The following MSTO1 variants were observed in gnomAD, a reference collection of about 807,000 sequenced individuals.
MSTO1 encodes protein misato homolog 1.
A neutral mutation model predicts 55.7 loss-of-function variants in MSTO1; 24 were observed. The ratio of observed to expected loss-of-function variants is 0.43; its 90% confidence interval spans 0.31 to 0.61. The LOEUF (loss-of-function observed/expected upper bound fraction) is 0.61. Among genes scored for constraint, MSTO1 ranks in the 20% least tolerant of loss-of-function variants. The pLI, the probability that MSTO1 is intolerant of heterozygous loss-of-function variation, is 0.09. For synonymous variants in MSTO1, 162 were observed against 252.8 expected (o/e 0.64, Z 3.41); for missense variants, 363 against 625.7 (o/e 0.58, Z 4.48).
chr1:155,579,939 G>A, the MSTO1 span, among the ~76,000 whole-genome samples: 38 of 152,050 alleles, frequency 2.5e-4, no homozygotes, highest in South Asian at 2.1e-3. Flanking sequence ...TTAGCCAGGC[G>A]TGGTGGTGTG....
chr1:155,594,308 C>T, the MSTO1 span, among the ~76,000 whole-genome samples: 8 of 151,000 alleles, frequency 5.3e-5, no homozygotes, highest in Admixed American at 4.0e-4. Flanking sequence ...GGTTGAGGCA[C>T]GAAAATCACT....
At chr1:155,607,150 G>A (rs1471870236), upstream of MSTO1, among the ~76,000 whole-genome samples, 1 of 151,346 alleles carries the variant, frequency 6.6e-6, no homozygotes, top group Non-Finnish European at 1.5e-5. Flanking sequence ...TATTTTAAAA[G>A]GATAATCAAC....
intron 12 of MSTO1, 42 bp downstream of exon 12, chr1:155,613,608 C>T: frequency 6.3e-7 from 1 of 1,585,174 alleles, no homozygotes; most frequent in South Asian, 1.1e-5. Flanking sequence ...CCAACCGCAA[C>T]CCTCCCTTGA....
At chr1:155,574,235 G>T in the MSTO1 span, among the ~76,000 whole-genome samples, 1 of 152,122 alleles carries the variant, frequency 6.6e-6, no homozygotes, top group South Asian at 2.1e-4. Context: ...GCATATGCCT[G>T]TAGTCCAAGC....
chr1:155,609,243 A>ATATATTTTTT (rs59756178), upstream of MSTO1, among the ~76,000 whole-genome samples: 45 of 54,568 alleles, frequency 8.2e-4, 1 homozygote, highest in East Asian at 1.9e-3. Flanking sequence ...ATATATATAT[A>ATATATTTTTT]TTTTTTTTTT....
chr1:155,605,501 T>C (rs1185103974), upstream of MSTO1, among the ~76,000 whole-genome samples: 1 of 152,142 alleles, frequency 6.6e-6, no homozygotes, highest in African/African-American at 2.4e-5. Context: ...GAATAATTCA[T>C]AGGTGAAAAC....
At chr1:155,601,800 G>A in the MSTO1 span, among the ~76,000 whole-genome samples, 1 of 151,920 alleles carries the variant, frequency 6.6e-6, no homozygotes, top group Non-Finnish European at 1.5e-5. Context: ...TGTCACCCAG[G>A]CTGGAGTGCA....
chr1:155,609,243 A>ATATATATATATATAT (rs59756178), upstream of MSTO1, among the ~76,000 whole-genome samples: 5 of 54,576 alleles, frequency 9.2e-5, no homozygotes, highest in Non-Finnish European at 1.2e-4. Context: ...ATATATATAT[A>ATATATATATATATAT]TTTTTTTTTT....
the MSTO1 span, among the ~76,000 whole-genome samples, chr1:155,581,154 C>T: frequency 5.3e-5 from 8 of 152,032 alleles, no homozygotes; most frequent in Admixed American, 1.3e-4. Flanking sequence ...TTTTAAGAGA[C>T]GCAGTCTTGC....
the MSTO1 span, among the ~76,000 whole-genome samples, chr1:155,564,420 G>A: frequency 1.3e-5 from 2 of 152,160 alleles, no homozygotes; most frequent in Admixed American, 1.3e-4. Flanking sequence ...CTTGAACCTG[G>A]GAGGCGGAGA....
upstream of MSTO1, among the ~76,000 whole-genome samples, chr1:155,609,241 A>ATTTTTTT (rs1481008523): frequency 8.3e-5 from 4 of 48,348 alleles, no homozygotes; most frequent in African/African-American, 2.3e-4. Flanking sequence ...ATATATATAT[A>ATTTTTTT]TATTTTTTTT....
rs1675260460 is a variant in MSTO1 at position 155,614,845 on chromosome 1, A to G, written c.*572A>G. The G allele has an allele frequency of 1.9e-6, 3 of 1,580,064 alleles. No individual in the cohort carries two copies. The highest frequency in any genetic ancestry group is 1.7e-6 in the Non-Finnish European group (2 of 1,162,506). ...TTCACAGGCAGTGTGGAAGAGCTGC[A>G]TGAGTTCTCGAAAATGGTGGGAAAC... On this transcript the variant is annotated 3_prime_UTR_variant, in exon 14 of 14. Transcript: ENST00000245564.
chr1:155,612,453 A>T lies in MSTO1; in HGVS notation c.849A>T (p.Thr283=). ...AQRNIYRLLN[T]AFGLVHLTAH... ...GAAACATCTATCGTCTATTAAACAC[A>T]GCTTTTGGTCTCGTGCACCTGACTG... Residue 283 remains threonine (T), a synonymous_variant, in exon 9 of 14, where the codon ACA becomes ACT. Coordinates refer to ENST00000245564, the MANE Select transcript of MSTO1 (RefSeq NM_018116.4). 6.2e-7 allele frequency: 1 copy of T among 1,614,060 alleles called. No homozygotes were observed. Among genetic ancestry groups the T allele is most frequent in the Non-Finnish European group, 8.5e-7 (1 of 1,179,996 alleles).
the MSTO1 span, among the ~76,000 whole-genome samples, chr1:155,601,545 G>A: frequency 6.6e-6 from 1 of 152,054 alleles, no homozygotes; most frequent in African/African-American, 2.4e-5. Flanking sequence ...AGGATCGCCT[G>A]AGCCTAGAAG....
chr1:155,563,631 A>C, the MSTO1 span: 1 of 455,428 alleles, frequency 2.2e-6, no homozygotes, highest in Non-Finnish European at 4.4e-6. Context: ...CAGCCTGGTG[A>C]TGGAGGATGA....
At chr1:155,590,757 C>T in the MSTO1 span, 44 of 1,603,268 alleles carry the variant, frequency 2.7e-5, no homozygotes, top group South Asian at 6.7e-5. Context: ...GGCCTGAGGC[C>T]GCCCAGCCCA....
the MSTO1 span, among the ~76,000 whole-genome samples, chr1:155,602,837 T>C: frequency 6.6e-6 from 1 of 152,004 alleles, no homozygotes; most frequent in African/African-American, 2.4e-5. Context: ...TCCAACTACA[T>C]GATTTTCTCC....
the MSTO1 span, among the ~76,000 whole-genome samples, chr1:155,578,727 G>C: frequency 1.3e-5 from 2 of 149,584 alleles, no homozygotes; most frequent in Non-Finnish European, 3.0e-5. Context: ...AGCCAAGATG[G>C]TCTCGATCTC....
At chr1:155,603,679 G>A in the MSTO1 span, among the ~76,000 whole-genome samples, 2 of 151,994 alleles carry the variant, frequency 1.3e-5, no homozygotes, top group Admixed American at 6.6e-5. Context: ...ACAACATGGT[G>A]AAACCACATC....
Sources: gnomAD v4.1 joint callset for allele counts (sites outside exome capture counted in the v4.1 genomes callset) on GRCh38, gnomAD v4.1.1 for gene constraint, MANE v1.5 for transcripts, NCBI Gene and HGNC (gene_info 2026-07-23, HGNC 2026-07-21) for gene names.